The following TMEM163 variants were observed in gnomAD, a reference collection of about 807,000 sequenced individuals.
TMEM163 encodes transmembrane protein 163.
TMEM163 carries 17 observed loss-of-function variants against 29.3 expected under a neutral mutation model. That is an observed-to-expected ratio of 0.58 (90% CI 0.40 to 0.87). The LOEUF (loss-of-function observed/expected upper bound fraction) is 0.87. TMEM163 is among the 40% of genes least tolerant of loss of function. The probability of loss-of-function intolerance (pLI) is 0.00; values close to 1 mark genes in which losing one functional copy is unlikely to be tolerated. For missense variants in TMEM163, 303 were observed against 381.5 expected, an observed-to-expected ratio of 0.79 and a Z score of 1.71; for synonymous variants, 157 against 160.6, an observed-to-expected ratio of 0.98 and a Z score of 0.17.
chr2:134,513,292 T>G (rs1399211088), intron 4 of TMEM163, among the ~76,000 whole-genome samples: 1 of 152,220 alleles, frequency 6.6e-6, no homozygotes, highest in African/African-American at 2.4e-5. Context: ...GATGTGTGTG[T>G]TAGACATCCA....
intron 2 of TMEM163, among the ~76,000 whole-genome samples, chr2:134,593,590 T>A (rs1449903330): frequency 6.6e-6 from 1 of 152,078 alleles, no homozygotes; most frequent in Non-Finnish European, 1.5e-5. Context: ...GCCAGGAGGA[T>A]GTGGACTAGG....
chr2:134,608,569 G>A (rs71188327), intron 2 of TMEM163, among the ~76,000 whole-genome samples: 1,524 of 12,574 alleles, frequency 0.12, no homozygotes, highest in East Asian at 0.17. Context: ...CGAGAACTGT[G>A]CTGGTGAAAA....
At chr2:134,706,309 A>C in intron 2 of TMEM163, among the ~76,000 whole-genome samples, 1 of 152,154 alleles carries the variant, frequency 6.6e-6, no homozygotes. Context: ...CTCTACCTGC[A>C]AATGTACATC....
At chr2:134,482,757 A>G (rs1308339221) in intron 5 of TMEM163, among the ~76,000 whole-genome samples, 1 of 152,156 alleles carries the variant, frequency 6.6e-6, no homozygotes, top group African/African-American at 2.4e-5. Context: ...GTTACCGTGG[A>G]TTCACATTCA....
chr2:134,534,845 G>A (rs1019984466), intron 4 of TMEM163, among the ~76,000 whole-genome samples: 1 of 152,190 alleles, frequency 6.6e-6, no homozygotes, highest in Admixed American at 6.5e-5. Context: ...CCTGTCCTGA[G>A]TCGTCAACCC....
intron 2 of TMEM163, among the ~76,000 whole-genome samples, chr2:134,656,843 T>C (rs1683631831): frequency 6.6e-6 from 1 of 152,252 alleles, no homozygotes; most frequent in Admixed American, 6.5e-5. Flanking sequence ...CTTTGTCTAC[T>C]GAGATGATCG....
intron 2 of TMEM163, among the ~76,000 whole-genome samples, chr2:134,640,776 C>A (rs2104839680): frequency 6.6e-6 from 1 of 152,316 alleles, no homozygotes; most frequent in Admixed American, 6.5e-5. Context: ...TAGCCCTTTA[C>A]CTACCATGCA....
At chr2:134,703,611 T>C (rs1193071298) in intron 2 of TMEM163, among the ~76,000 whole-genome samples, 1 of 152,018 alleles carries the variant, frequency 6.6e-6, no homozygotes, top group Non-Finnish European at 1.5e-5. Flanking sequence ...GCCAGGAGTA[T>C]AAAAGAGTAA....
chr2:134,571,349 G>A (rs16830814), intron 2 of TMEM163, among the ~76,000 whole-genome samples: 4,612 of 152,238 alleles, frequency 0.03, 175 homozygotes, highest in East Asian at 0.14. Context: ...CAAGGCTATG[G>A]TTTGACCACA....
chr2:134,643,158 G>A (rs1380735561), intron 2 of TMEM163, among the ~76,000 whole-genome samples: 2 of 152,004 alleles, frequency 1.3e-5, no homozygotes, highest in African/African-American at 4.8e-5. Context: ...TGAAAGAGGA[G>A]ACATCACTAG....
chr2:134,704,231 G>A (rs1236639457), intron 2 of TMEM163, among the ~76,000 whole-genome samples: 1 of 152,144 alleles, frequency 6.6e-6, no homozygotes, highest in Non-Finnish European at 1.5e-5. Flanking sequence ...CAAGCTAAGT[G>A]CAGGGTATAC....
chr2:134,539,565 CA>C (rs1680617567), intron 4 of TMEM163, among the ~76,000 whole-genome samples: 1 of 152,144 alleles, frequency 6.6e-6, no homozygotes, highest in Non-Finnish European at 1.5e-5. Context: ...GATATGATTA[CA>C]AAAACTGTAT....
At chr2:134,602,193 G>T (rs1682251107) in intron 2 of TMEM163, among the ~76,000 whole-genome samples, 1 of 152,190 alleles carries the variant, frequency 6.6e-6, no homozygotes, top group African/African-American at 2.4e-5. Flanking sequence ...GGGCTGGAGG[G>T]ATGCAGTTTG....
chr2:134,626,567 A>G (rs1682856871), intron 2 of TMEM163, among the ~76,000 whole-genome samples: 1 of 152,132 alleles, frequency 6.6e-6, no homozygotes, highest in Non-Finnish European at 1.5e-5. Context: ...AATCCAGCAT[A>G]ATCTCTCCAT....
chr2:134,464,464 C>G (rs1042118501), intron 6 of TMEM163, among the ~76,000 whole-genome samples: 3 of 152,206 alleles, frequency 2.0e-5, no homozygotes, highest in African/African-American at 7.2e-5. Context: ...TAGTGGTCAA[C>G]TGATGAGTAT....
intron 2 of TMEM163, among the ~76,000 whole-genome samples, chr2:134,696,896 C>T (rs1684594026): frequency 6.6e-6 from 1 of 152,126 alleles, no homozygotes; most frequent in Non-Finnish European, 1.5e-5. Flanking sequence ...CTTCCTCAGC[C>T]CCCCGAGTAG....
intron 2 of TMEM163, among the ~76,000 whole-genome samples, chr2:134,699,102 G>C (rs1684640307): frequency 6.6e-6 from 1 of 152,110 alleles, no homozygotes; most frequent in Non-Finnish European, 1.5e-5. Context: ...AACAACTCTG[G>C]AATCAAGTAT....
At chr2:134,717,656 G>A (rs181218427) in intron 1 of TMEM163, among the ~76,000 whole-genome samples, 38 of 152,208 alleles carry the variant, frequency 2.5e-4, no homozygotes, top group South Asian at 2.1e-4. Flanking sequence ...CCAAGAAAAG[G>A]GGGTGGAGGT....
intron 2 of TMEM163, among the ~76,000 whole-genome samples, chr2:134,682,299 C>T (rs1381758896): frequency 1.3e-5 from 2 of 152,132 alleles, no homozygotes; most frequent in African/African-American, 2.4e-5. Flanking sequence ...ATTCACTTTC[C>T]CTTATCACTT....
Sources: gnomAD v4.1 joint callset for allele counts (sites outside exome capture counted in the v4.1 genomes callset) on GRCh38, gnomAD v4.1.1 for gene constraint, MANE v1.5 for transcripts, NCBI Gene and HGNC (gene_info 2026-07-23, HGNC 2026-07-21) for gene names.